The following RPRD1A variants were observed in gnomAD, a reference collection of about 807,000 sequenced individuals.
The protein encoded by RPRD1A is regulation of nuclear pre-mRNA domain containing 1A.
In RPRD1A, 9 loss-of-function variants were observed where a neutral mutation model predicts 37.8. The observed-to-expected ratio is 0.24, with a 90% CI of 0.14 to 0.42. The LOEUF (loss-of-function observed/expected upper bound fraction) is 0.42. Ranked by LOEUF, RPRD1A falls within the 10% of genes least tolerant of loss-of-function variation. RPRD1A has a pLI of 1.00. For synonymous variants in RPRD1A, 138 were observed against 139.7 expected, an observed-to-expected ratio of 0.99 and a Z score of 0.08; for missense variants, 255 against 371.0, an observed-to-expected ratio of 0.69 and a Z score of 2.57.
chr18:36,015,163 T>TACACACACACACAC (rs1444544731), intron 6 of RPRD1A, among the ~76,000 whole-genome samples: 5 of 98,574 alleles, frequency 5.1e-5, no homozygotes, highest in Admixed American at 1.2e-4. Context: ...CACACATATA[T>TACACACACACACAC]ACACATATAT....
Position 36,067,242 on chromosome 18 carries a change from C to G in RPRD1A, c.151+12G>C, listed in dbSNP as rs556098656. On this transcript the variant is annotated intron_variant, in intron 1 of 6. Transcript: ENST00000399022. The stretch of plus-strand genomic sequence containing the variant: ...GGTGGTGGGAAGCGGCCGACATAAG[C>G]GGTTGACTCACCTTTCCGCAGCTCC... 1.3e-5 allele frequency: 20 copies of G among 1,572,594 alleles called. No homozygotes were observed. The highest frequency in any genetic ancestry group is 1.5e-5 in the Non-Finnish European group (17 of 1,159,010).
Position 36,054,036 on chromosome 18 carries a change from CAAT to C in RPRD1A, c.151+13215_151+13217del, listed in dbSNP as rs149758338. On this transcript the variant is annotated intron_variant, in intron 1 of 6. Transcript: ENST00000399022. Reference sequence around the variant, plus strand: ...GATGACAAAAAAGGGTTTATGTGCACAATGAGTTTGGGATGTTTAGGAAATGCC... The same window carrying C: ...GATGACAAAAAAGGGTTTATGTGCACGAGTTTGGGATGTTTAGGAAATGCC... 3.9e-3 allele frequency among the ~76,000 whole-genome samples: 590 copies of C among 152,200 alleles called. 2 individuals are homozygous for C. Among genetic ancestry groups the C allele is most frequent in the Middle Eastern group, 0.014 (4 of 294 alleles).
intron 6 of RPRD1A, among the ~76,000 whole-genome samples, chr18:36,002,053 T>G (rs1909453532): frequency 1.0e-5 from 1 of 95,462 alleles, no homozygotes; most frequent in Non-Finnish European, 2.2e-5. Flanking sequence ...ACTTTGATTT[T>G]CTGTACTTTG....
chr18:36,045,888 G>C (rs914464131), intron 1 of RPRD1A, among the ~76,000 whole-genome samples: 1 of 152,126 alleles, frequency 6.6e-6, no homozygotes, highest in Admixed American at 6.5e-5. Context: ...GGGAAAAAAG[G>C]GGGGGCACTT....
intron 6 of RPRD1A, chr18:36,025,877 T>G: frequency 3.2e-6 from 1 of 311,714 alleles, no homozygotes; most frequent in South Asian, 2.9e-5. Flanking sequence ...CATCTTTTCC[T>G]TTCCATGTAG....
intron 1 of RPRD1A, among the ~76,000 whole-genome samples, chr18:36,055,122 C>CA (rs1390527700): frequency 6.6e-6 from 1 of 152,196 alleles, no homozygotes; most frequent in Non-Finnish European, 1.5e-5. Flanking sequence ...TTAACCATCA[C>CA]AAATGCTGTT....
At chr18:36,030,397 C>T (rs1051781904) in intron 4 of RPRD1A, among the ~76,000 whole-genome samples, 4 of 151,502 alleles carry the variant, frequency 2.6e-5, no homozygotes, top group Non-Finnish European at 4.4e-5. Context: ...GCAGGAGAAT[C>T]GCTTGAACCC....
rs1598586690 is a variant in RPRD1A, at chr18:35,993,150, A to C, written c.*1T>G. 1 of 1,613,322 alleles carries C rather than the reference A, an allele frequency of 6.2e-7. No homozygotes were observed. The highest frequency in any genetic ancestry group is 1.3e-5 in the African/African-American group (1 of 75,034). On this transcript the variant is annotated 3_prime_UTR_variant, in exon 7 of 7. Coordinates refer to ENST00000399022, the MANE Select transcript of RPRD1A (RefSeq NM_018170.5). ...CTGGGACCTGGAAAGAGGCTGGTCC[A>C]TCAATCTTCACTGTAGATGTCTCCC...
At chr18:36,049,237 C>T (rs1174820040) in intron 1 of RPRD1A, among the ~76,000 whole-genome samples, 1 of 152,158 alleles carries the variant, frequency 6.6e-6, no homozygotes, top group Non-Finnish European at 1.5e-5. Flanking sequence ...AAAATGCACA[C>T]ACACAAAAAT....
At position 36,032,570 on chromosome 18, in the gene RPRD1A, G is replaced by A. The variant is rs149015072; in HGVS notation, c.281+1138C>T. On this transcript the variant is annotated intron_variant, in intron 2 of 6. Coordinates refer to ENST00000399022, the MANE Select transcript of RPRD1A (RefSeq NM_018170.5). Reference sequence around the variant, plus strand: ...TTATGACCAGCTCTGCAACTCTGTCGAGTTTTCTAAAGAAATTAAACAATA... The same window carrying A: ...TTATGACCAGCTCTGCAACTCTGTCAAGTTTTCTAAAGAAATTAAACAATA... Among the ~76,000 whole-genome samples, 292 of 152,266 alleles carry A rather than the reference G, an allele frequency of 1.9e-3. 1 individual carries two copies. Among genetic ancestry groups the A allele is most frequent in the Middle Eastern group, 6.8e-3 (2 of 294 alleles).
At chr18:36,007,725 G>A (rs1909836165) in intron 6 of RPRD1A, among the ~76,000 whole-genome samples, 1 of 151,944 alleles carries the variant, frequency 6.6e-6, no homozygotes, top group Non-Finnish European at 1.5e-5. Flanking sequence ...GGATCACGAG[G>A]TCAAGAGATC....
intron 6 of RPRD1A, among the ~76,000 whole-genome samples, chr18:35,995,859 C>T (rs1351827061): frequency 6.6e-6 from 1 of 152,186 alleles, no homozygotes; most frequent in African/African-American, 2.4e-5. Context: ...GGCATTCTCC[C>T]TCTATGGTCT....
intron 1 of RPRD1A, among the ~76,000 whole-genome samples, chr18:36,055,498 TTA>T (rs1221864121): frequency 1.3e-5 from 2 of 152,218 alleles, no homozygotes; most frequent in Admixed American, 1.3e-4. Flanking sequence ...ATGATACTCT[TTA>T]GAGATTTTTT....
intron 6 of RPRD1A, among the ~76,000 whole-genome samples, chr18:35,994,238 C>T (rs1464072059): frequency 6.6e-6 from 1 of 152,168 alleles, no homozygotes; most frequent in Non-Finnish European, 1.5e-5. Context: ...GGGAGATTCA[C>T]GCTCTTTCCA....
intron 2 of RPRD1A, among the ~76,000 whole-genome samples, chr18:36,032,541 A>T (rs1598635122): frequency 3.3e-5 from 5 of 152,352 alleles, no homozygotes; most frequent in African/African-American, 1.2e-4. Context: ...AAGGCAAGGA[A>T]GTATTATGAC....
intron 6 of RPRD1A, among the ~76,000 whole-genome samples, chr18:36,015,173 TACAC>T (rs368940718): frequency 0.2 from 26,166 of 130,784 alleles, 2,555 homozygotes; most frequent in Middle Eastern, 0.27. Context: ...TACACATATA[TACAC>T]ACACACACAC....
intron 6 of RPRD1A, among the ~76,000 whole-genome samples, chr18:36,017,328 T>C (rs1200866874): frequency 6.6e-6 from 1 of 152,110 alleles, no homozygotes; most frequent in African/African-American, 2.4e-5. Flanking sequence ...ACTTCACTGC[T>C]ACCACCCACT....
intron 6 of RPRD1A, among the ~76,000 whole-genome samples, chr18:36,014,705 G>A (rs1910394432): frequency 1.3e-5 from 2 of 151,978 alleles, no homozygotes; most frequent in Admixed American, 6.6e-5. Flanking sequence ...ATCGCGCCAC[G>A]GCACTCCAGC....
At chr18:36,024,528 CA>C (rs1397237980) in intron 6 of RPRD1A, among the ~76,000 whole-genome samples, 1 of 152,104 alleles carries the variant, frequency 6.6e-6, no homozygotes, top group Non-Finnish European at 1.5e-5. Context: ...TCTTAAAACA[CA>C]AATTTTAAAC....
Sources: allele counts gnomAD v4.1 joint callset (sites outside exome capture counted in the v4.1 genomes callset), GRCh38; gene constraint gnomAD v4.1.1; transcripts MANE v1.5; gene names NCBI Gene and HGNC (gene_info 2026-07-23, HGNC 2026-07-21).